PRR16: variants seen among roughly 807,000 people sequenced by gnomAD.
The protein encoded by PRR16 is protein Largen.
Under a neutral mutation model 18.2 loss-of-function variants are expected in PRR16, and 6 were observed. The observed-to-expected ratio is 0.33, with a 90% CI of 0.18 to 0.65. The LOEUF is 0.65. PRR16 is among the 30% of genes least tolerant of loss of function. The probability of loss-of-function intolerance (pLI) is 0.74; values close to 1 mark genes in which losing one functional copy is unlikely to be tolerated. For missense variants in PRR16, 412 were observed against 376.6 expected (o/e 1.09, Z -0.78); for synonymous variants, 151 against 147.8 (o/e 1.02, Z -0.16).
chr5:120,628,954 GT>G (rs2112835605), intron 1 of PRR16, among the ~76,000 whole-genome samples: 1 of 152,112 alleles, frequency 6.6e-6, no homozygotes, highest in African/African-American at 2.4e-5. Context: ...TGTCACAGGG[GT>G]TTGGGGTATA....
chr5:120,524,502 G>C (rs1291422744), intron 1 of PRR16, among the ~76,000 whole-genome samples: 1 of 151,964 alleles, frequency 6.6e-6, no homozygotes, highest in African/African-American at 2.4e-5. Flanking sequence ...TATAGAGAGT[G>C]GAAGAATGAT....
chr5:120,480,257 A>G lies in PRR16; in HGVS notation c.159+15612A>G, dbSNP rs75598073. On this transcript the variant is annotated intron_variant, in intron 1 of 1. Coordinates refer to ENST00000407149, the MANE Select transcript of PRR16 (RefSeq NM_001300783.2). ...GTGATTGTTTCATTAATCATAGAGTATGCACCAAAATGTTCAAGAGTTTAA... is the reference window on the plus strand; with the variant it reads ...GTGATTGTTTCATTAATCATAGAGTGTGCACCAAAATGTTCAAGAGTTTAA... 9.2e-3 allele frequency among the ~76,000 whole-genome samples: 1,407 copies of G among 152,252 alleles called. 46 individuals are homozygous for G. In the East Asian group the frequency reaches 0.1, roughly 11 times the overall value.
intron 1 of PRR16, among the ~76,000 whole-genome samples, chr5:120,658,797 A>G (rs1414103886): frequency 2.0e-5 from 3 of 152,130 alleles, no homozygotes; most frequent in Non-Finnish European, 4.4e-5. Context: ...TTAAAAATTA[A>G]CACTTTTTAA....
chr5:120,664,211 A>G (rs1486351577), intron 1 of PRR16, among the ~76,000 whole-genome samples: 1 of 152,088 alleles, frequency 6.6e-6, no homozygotes, highest in Admixed American at 6.5e-5. Flanking sequence ...AGGCAGGAGA[A>G]TTGCTTGAAC....
At chr5:120,559,438 G>T (rs908509055) in intron 1 of PRR16, among the ~76,000 whole-genome samples, 1 of 151,630 alleles carries the variant, frequency 6.6e-6, no homozygotes, top group Non-Finnish European at 1.5e-5. Context: ...TATATCCTTG[G>T]TACCTTTGTT....
At chr5:120,744,035 G>C in the PRR16 span, among the ~76,000 whole-genome samples, 3 of 151,790 alleles carry the variant, frequency 2.0e-5, no homozygotes, top group Non-Finnish European at 4.4e-5. Flanking sequence ...ATCTTCAAGA[G>C]ACTGTTACTG....
intron 1 of PRR16, among the ~76,000 whole-genome samples, chr5:120,477,193 A>T (rs189859009): frequency 6.6e-6 from 1 of 151,614 alleles, no homozygotes; most frequent in East Asian, 1.9e-4. Flanking sequence ...TATGTCCACG[A>T]CTCCCAAATT....
At chr5:120,474,968 G>A (rs1209197349) in intron 1 of PRR16, among the ~76,000 whole-genome samples, 2 of 152,178 alleles carry the variant, frequency 1.3e-5, no homozygotes, top group African/African-American at 4.8e-5. Context: ...TTTCATTTCT[G>A]TAGACAGAAG....
At chr5:120,567,497 C>G (rs1752774399) in intron 1 of PRR16, among the ~76,000 whole-genome samples, 1 of 152,118 alleles carries the variant, frequency 6.6e-6, no homozygotes, top group African/African-American at 2.4e-5. Context: ...TGAGGGTCAG[C>G]CCTGTGCAGC....
At chr5:120,794,421 C>T in the PRR16 span, among the ~76,000 whole-genome samples, 453 of 152,118 alleles carry the variant, frequency 3.0e-3, 6 homozygotes, top group South Asian at 0.026. Context: ...GTAATTCTTA[C>T]GCTATTTCAA....
chr5:120,761,631 A>G, the PRR16 span, among the ~76,000 whole-genome samples: 1 of 152,138 alleles, frequency 6.6e-6, no homozygotes, highest in Non-Finnish European at 1.5e-5. Context: ...CTAATGTGGT[A>G]CATGTAATAT....
At chr5:120,759,533 G>A in the PRR16 span, among the ~76,000 whole-genome samples, 1 of 152,022 alleles carries the variant, frequency 6.6e-6, no homozygotes, top group Non-Finnish European at 1.5e-5. Flanking sequence ...GAGGCATAGA[G>A]GGTTGAATAT....
At chr5:120,592,927 A>G (rs1402156244) in intron 1 of PRR16, among the ~76,000 whole-genome samples, 3 of 152,076 alleles carry the variant, frequency 2.0e-5, no homozygotes, top group Non-Finnish European at 2.9e-5. Context: ...CTAAGATATA[A>G]TTTACTGCAT....
the PRR16 span, among the ~76,000 whole-genome samples, chr5:120,776,856 G>T: frequency 2.0e-5 from 3 of 151,958 alleles, no homozygotes; most frequent in African/African-American, 7.2e-5. Flanking sequence ...TATTCTGACC[G>T]TAATTCTTAT....
At chr5:120,545,032 A>T (rs759806656) in intron 1 of PRR16, among the ~76,000 whole-genome samples, 19 of 152,128 alleles carry the variant, frequency 1.2e-4, no homozygotes, top group Non-Finnish European at 2.8e-4. Context: ...AGCCCAAGTC[A>T]TCAGTACACT....
intron 1 of PRR16, among the ~76,000 whole-genome samples, chr5:120,519,011 A>G (rs1021264948): frequency 1.3e-5 from 2 of 152,122 alleles, no homozygotes; most frequent in African/African-American, 4.8e-5. Flanking sequence ...AACTAATACA[A>G]TCTTAATAGT....
intron 1 of PRR16, among the ~76,000 whole-genome samples, chr5:120,578,036 G>C (rs948021031): frequency 2.6e-5 from 4 of 151,932 alleles, no homozygotes; most frequent in Admixed American, 1.3e-4. Context: ...ATAAGAAAAA[G>C]AATTAATTTA....
chr5:120,767,563 C>CTGAG, the PRR16 span, among the ~76,000 whole-genome samples: 311 of 151,916 alleles, frequency 2.0e-3, 1 homozygote, highest in African/African-American at 7.1e-3. Flanking sequence ...TTTTTGTCAT[C>CTGAG]TGAGTCCTAA....
chr5:120,608,732 G>C (rs1188360338), intron 1 of PRR16, among the ~76,000 whole-genome samples: 9 of 152,072 alleles, frequency 5.9e-5, no homozygotes, highest in African/African-American at 1.7e-4. Flanking sequence ...CATTAGATCT[G>C]GTTAACCCCC....
Sources: allele counts gnomAD v4.1 joint callset (sites outside exome capture counted in the v4.1 genomes callset), GRCh38; gene constraint gnomAD v4.1.1; transcripts MANE v1.5; gene names NCBI Gene and HGNC (gene_info 2026-07-23, HGNC 2026-07-21).